Variants in ZFYVE27 observed in about 807,000 individuals in gnomAD.
ZFYVE27 encodes the protein protrudin.
ZFYVE27 carries 36 observed loss-of-function variants against 52.8 expected under a neutral mutation model. The ratio of observed to expected loss-of-function variants is 0.68; its 90% CI spans 0.52 to 0.90. ZFYVE27 has a LOEUF of 0.90. Among genes scored for constraint, ZFYVE27 ranks in the 40% least tolerant of loss-of-function variants. The pLI, the probability that ZFYVE27 is intolerant of heterozygous loss-of-function variation, is 0.00. For missense variants in ZFYVE27, 450 were observed against 527.2 expected (o/e 0.85, Z 1.43); for synonymous variants, 223 against 215.6 (o/e 1.03, Z -0.30).
chr10:97,754,611 G>C lies in ZFYVE27; in HGVS notation c.1042+1429G>C, dbSNP rs376988010. 1,298 of 1,270,596 alleles carry C rather than the reference G, an allele frequency of 1.0e-3. 27 individuals are homozygous for C. In the South Asian group the frequency reaches 0.016, roughly 15 times the overall value. 78.7% of individuals were successfully genotyped at this position (1,270,596 alleles called of 1,614,324 possible). A position where few individuals can be genotyped will look rare whatever the true frequency, so the allele number is the denominator to read the frequency against. ...ATTACAAGTGTGAGCCACCACGCCC[G>C]GCCCCTTTGTTTTATTTATGCTGCC... On this transcript the variant is annotated intron_variant, in intron 10 of 12. Coordinates refer to ENST00000684270, the MANE Select transcript of ZFYVE27 (RefSeq NM_001385875.1).
Position 97,751,437 on chromosome 10 carries a change from A to T in ZFYVE27, c.851A>T (p.Asp284Val), listed in dbSNP as rs1288998809. ...GAGGAGGCTGAGGAGGCTGAGCCAG[A>T]TGAAGAGTTTAAAGATGCGATTGAG... Reference protein sequence around the residue: ...SVEEAEEAEPDEEFKDAIEET... With the variant: ...SVEEAEEAEPVEEFKDAIEET... The change falls in exon 8 of 13, where the codon GAT becomes GTT. Residue 284 changes from aspartate (D) to valine (V), a missense_variant. Transcript: ENST00000684270. 1.9e-6 allele frequency: 3 copies of T among 1,613,962 alleles called. No homozygotes were observed. The highest frequency in any genetic ancestry group is 2.2e-5 in the East Asian group (1 of 44,868).
At chr10:97,749,295 G>T (rs2046305013) in intron 5 of ZFYVE27, among the ~76,000 whole-genome samples, 179 bp from the exon 6 acceptor site, 2 of 152,240 alleles carry the variant, frequency 1.3e-5, no homozygotes, top group Non-Finnish European at 2.9e-5. Flanking sequence ...TTGCACCGGT[G>T]ACTTGGGATA....
intron 2 of ZFYVE27, among the ~76,000 whole-genome samples, chr10:97,739,230 T>C (rs1318364109): frequency 6.7e-6 from 1 of 148,742 alleles, no homozygotes. Context: ...CATGCCTGGC[T>C]AATTAAAAAA....
intron 11 of ZFYVE27, 80 bp from the exon 12 acceptor site, chr10:97,757,562 C>G: frequency 6.7e-7 from 1 of 1,488,876 alleles, no homozygotes; most frequent in South Asian, 1.1e-5. Context: ...GTGGGATCAG[C>G]TGGTGGAAAG....
chr10:97,738,372 T>C lies in ZFYVE27; in HGVS notation c.-1-105T>C, dbSNP rs188071932. 1.8e-3 allele frequency: 2,263 copies of C among 1,277,392 alleles called. 5 individuals are homozygous for C. Among genetic ancestry groups the C allele is most frequent in the Non-Finnish European group, 2.1e-3 (1,823 of 881,912 alleles). 79.1% of individuals were successfully genotyped at this position (1,277,392 alleles called of 1,614,324 possible). ...GGATTTTAGGTCTGAATAGTTCACTTTCCCTTGCTCACAGGTTTACTGTTG... is the reference window on the plus strand; with the variant it reads ...GGATTTTAGGTCTGAATAGTTCACTCTCCCTTGCTCACAGGTTTACTGTTG... On this transcript the variant is annotated intron_variant, in intron 1 of 12. Coordinates refer to ENST00000684270, the MANE Select transcript of ZFYVE27 (RefSeq NM_001385875.1).
intron 10 of ZFYVE27, among the ~76,000 whole-genome samples, chr10:97,753,458 C>A (rs2047531228): frequency 6.6e-6 from 1 of 152,150 alleles, no homozygotes; most frequent in African/African-American, 2.4e-5. Flanking sequence ...GAAATGCCAT[C>A]CCAGGACTGT....
intron 4 of ZFYVE27, among the ~76,000 whole-genome samples, 178 bp downstream of exon 4, chr10:97,745,093 A>G (rs1174706483): frequency 6.6e-6 from 1 of 152,224 alleles, no homozygotes; most frequent in African/African-American, 2.4e-5. Context: ...GGGTAAAGAA[A>G]AAGGCTGACT....
chr10:97,743,173 T>A lies in ZFYVE27; in HGVS notation c.268+9T>A. On this transcript the variant is annotated intron_variant, in intron 3 of 12. Transcript: ENST00000684270. ...CCTCACTTTGAATGAGGGTAAGAAC[T>A]GCCTTCAGGGGCCAGTGGTTTTTGT... is the stretch of plus-strand genomic sequence containing the variant. The A allele has an allele frequency of 1.2e-6, 2 of 1,614,248 alleles. No homozygotes were observed. Among genetic ancestry groups the A allele is most frequent in the Non-Finnish European group, 1.7e-6 (2 of 1,180,042 alleles).
rs747907090 is a variant in ZFYVE27, at chr10:97,757,773, A to T, written c.1171+50A>T. On this transcript the variant is annotated intron_variant, in intron 12 of 12. Transcript: ENST00000684270. ...GCTTGGTTGGTATCCCGCCCAGGGG[A>T]TGTCACGCTGTGGCACAGAGGCAAG... 14 of 1,589,332 alleles carry T rather than the reference A, an allele frequency of 8.8e-6. No individual in the cohort carries two copies. In the South Asian group the frequency reaches 9.9e-5, roughly 11 times the overall value.
chr10:97,759,575 G>A lies in ZFYVE27; in HGVS notation c.*275G>A, dbSNP rs573539034. 20 of 525,602 alleles carry A rather than the reference G, an allele frequency of 3.8e-5. No individual in the cohort carries two copies. The highest frequency in any genetic ancestry group is 3.4e-4 in the South Asian group (17 of 49,672). 32.6% of individuals were successfully genotyped at this position (525,602 alleles called of 1,614,324 possible). ...CTGCTCTGCCTGGGACTGAGCGAGT[G>A]GACTTAGGGCTGGGCAGGCAGTAGC... On this transcript the variant is annotated 3_prime_UTR_variant, in exon 13 of 13. Transcript: ENST00000684270.
chr10:97,749,232 C>T (rs1352466821), intron 5 of ZFYVE27, among the ~76,000 whole-genome samples: 7 of 152,166 alleles, frequency 4.6e-5, no homozygotes, highest in Non-Finnish European at 5.9e-5. Flanking sequence ...GATGGTTGAA[C>T]CAGTTTATGT....
At chr10:97,747,711 T>C (rs1422524454) in intron 4 of ZFYVE27, among the ~76,000 whole-genome samples, 4 of 152,160 alleles carry the variant, frequency 2.6e-5, no homozygotes, top group African/African-American at 9.7e-5. Context: ...AACAGGATGG[T>C]CAAATTCATC....
chr10:97,749,929 G>A, intron 6 of ZFYVE27: 1 of 417,104 alleles, frequency 2.4e-6, no homozygotes, highest in Non-Finnish European at 4.5e-6. Flanking sequence ...ACCTGGAGTT[G>A]CTACCACATC....
rs1439732750 is a variant in ZFYVE27, at chr10:97,757,138, T to A, written c.1043-127T>A. 6 of 1,348,478 alleles carry A rather than the reference T, an allele frequency of 4.4e-6. No homozygotes were observed. In the East Asian group the frequency reaches 1.4e-4, roughly 31 times the overall value. 83.5% of individuals were successfully genotyped at this position (1,348,478 alleles called of 1,614,324 possible). A position where few individuals can be genotyped will look rare whatever the true frequency, so the allele number is the denominator to read the frequency against. Reference sequence around the variant, plus strand: ...TGTCTCTGAATCTGGCCTTGCTCCCTGGCTCACTGTGTCCAGCCAAGGAGG... The same window carrying A: ...TGTCTCTGAATCTGGCCTTGCTCCCAGGCTCACTGTGTCCAGCCAAGGAGG... On this transcript the variant is annotated intron_variant, in intron 10 of 12. Transcript: ENST00000684270.
Position 97,750,315 on chromosome 10 carries a change from T to G in ZFYVE27, c.665-16T>G, listed in dbSNP as rs1382023586. On this transcript the variant is annotated splice_polypyrimidine_tract_variant and intron_variant, in intron 6 of 12. Coordinates refer to ENST00000684270, the MANE Select transcript of ZFYVE27 (RefSeq NM_001385875.1). Reference sequence around the variant, plus strand: ...CTCATTTTTGCCTCCTACCTTGTTCTCCATTCCCTGGGTAGTTGTGTCTGA... The same window carrying G: ...CTCATTTTTGCCTCCTACCTTGTTCGCCATTCCCTGGGTAGTTGTGTCTGA... 6.2e-7 allele frequency: 1 copy of G among 1,613,764 alleles called. No homozygotes were observed. Among genetic ancestry groups the G allele is most frequent in the East Asian group, 2.2e-5 (1 of 44,894 alleles).
At chr10:97,754,903 AAG>A in intron 10 of ZFYVE27, 1 of 926,218 alleles carries the variant, frequency 1.1e-6, no homozygotes, top group African/African-American at 1.8e-5. Context: ...CTGAGGTAAA[AAG>A]AGTGCTTTGC....
chr10:97,745,505 T>C (rs2045033908), intron 4 of ZFYVE27, among the ~76,000 whole-genome samples: 1 of 152,188 alleles, frequency 6.6e-6, no homozygotes, highest in South Asian at 2.1e-4. Flanking sequence ...AGAGACAGTT[T>C]AGGGTCTTGA....
intron 4 of ZFYVE27, among the ~76,000 whole-genome samples, chr10:97,747,026 G>A (rs1314612928): frequency 6.6e-6 from 1 of 152,128 alleles, no homozygotes; most frequent in Non-Finnish European, 1.5e-5. Flanking sequence ...CCTGATCTGG[G>A]ATCCAATTCA....
In ZFYVE27 at chr10:97,752,848, G is replaced by C; in HGVS notation, c.877-9G>C. 1 of 1,613,876 alleles carries C rather than the reference G, an allele frequency of 6.2e-7. No individual in the cohort carries two copies. ...TTTTCTCTCCTCTTCCCCGCACCTT[G>C]GGAGGCAGGAGACCCACTTGGTGGT... On this transcript the variant is annotated splice_polypyrimidine_tract_variant and intron_variant, in intron 8 of 12. Coordinates refer to ENST00000684270, the MANE Select transcript of ZFYVE27 (RefSeq NM_001385875.1).
Sources: allele counts gnomAD v4.1 joint callset (sites outside exome capture counted in the v4.1 genomes callset), GRCh38; gene constraint gnomAD v4.1.1; transcripts MANE v1.5; gene names NCBI Gene and HGNC (gene_info 2026-07-23, HGNC 2026-07-21).